HCN1: variants seen among roughly 807,000 people sequenced by gnomAD.
HCN1 encodes the protein hyperpolarization activated cyclic nucleotide gated potassium channel 1, also known as potassium/sodium hyperpolarization-activated cyclic nucleotide-gated channel 1.
Under a neutral mutation model 78.9 loss-of-function variants are expected in HCN1, and 13 were observed. The observed-to-expected ratio is 0.16, with a 90% confidence interval of 0.11 to 0.26. The LOEUF (loss-of-function observed/expected upper bound fraction) is 0.26. Ranked by LOEUF, HCN1 falls within the 10% of genes least tolerant of loss-of-function variation. HCN1 has a pLI of 1.00. For synonymous variants in HCN1, 552 were observed against 455.5 expected (o/e 1.21, Z -2.70); for missense variants, 810 against 1,154.3 (o/e 0.70, Z 4.32).
intron 2 of HCN1, among the ~76,000 whole-genome samples, chr5:45,550,334 C>A (rs916686338): frequency 2.0e-5 from 3 of 152,148 alleles, no homozygotes; most frequent in Admixed American, 6.6e-5. Flanking sequence ...ATGATGAGTT[C>A]ATGTCCTTTG....
intron 2 of HCN1, among the ~76,000 whole-genome samples, chr5:45,491,009 C>G (rs1741871911): frequency 6.6e-6 from 1 of 152,080 alleles, no homozygotes; most frequent in Non-Finnish European, 1.5e-5. Flanking sequence ...AACCATACAT[C>G]AGTTTTCCTA....
intron 2 of HCN1, among the ~76,000 whole-genome samples, chr5:45,528,888 A>G (rs937648341): frequency 1.3e-5 from 2 of 152,016 alleles, no homozygotes; most frequent in Non-Finnish European, 2.9e-5. Context: ...GATCACAGGC[A>G]TGATTAGGAA....
At chr5:45,297,420 G>A (rs1383075509) in intron 6 of HCN1, among the ~76,000 whole-genome samples, 1 of 152,034 alleles carries the variant, frequency 6.6e-6, no homozygotes, top group Non-Finnish European at 1.5e-5. Flanking sequence ...CCAATTTTGG[G>A]GCCAGTTTAT....
chr5:45,496,380 T>C, intron 2 of HCN1, among the ~76,000 whole-genome samples: 1 of 151,892 alleles, frequency 6.6e-6, no homozygotes, highest in Non-Finnish European at 1.5e-5. Context: ...TTTTCTAGTT[T>C]ATTTGCGTAG....
At chr5:45,508,015 CA>C (rs1742342601) in intron 2 of HCN1, among the ~76,000 whole-genome samples, 1 of 151,960 alleles carries the variant, frequency 6.6e-6, no homozygotes, top group South Asian at 2.1e-4. Flanking sequence ...TGAAGATTAT[CA>C]TATATATACA....
intron 2 of HCN1, among the ~76,000 whole-genome samples, chr5:45,474,895 G>A (rs1741480725): frequency 6.6e-6 from 1 of 151,776 alleles, no homozygotes; most frequent in South Asian, 2.1e-4. Context: ...CGGAAAGAAA[G>A]GGAAAATGAA....
At chr5:45,313,742 C>T (rs753313055) in intron 5 of HCN1, among the ~76,000 whole-genome samples, 3 of 152,040 alleles carry the variant, frequency 2.0e-5, no homozygotes, top group East Asian at 3.9e-4. Context: ...GTAGCCAATT[C>T]GATCAACTGG....
chr5:45,530,520 C>A (rs12374423), intron 2 of HCN1, among the ~76,000 whole-genome samples: 3,287 of 151,166 alleles, frequency 0.022, 67 homozygotes, highest in Non-Finnish European at 0.031. Flanking sequence ...ATACATTAGG[C>A]ACTTTATGAT....
intron 2 of HCN1, among the ~76,000 whole-genome samples, chr5:45,619,468 T>A (rs928031287): frequency 3.3e-5 from 5 of 152,116 alleles, no homozygotes; most frequent in African/African-American, 1.2e-4. Context: ...TAAAGCTAGA[T>A]CAATTTGAGA....
At chr5:45,427,633 C>T (rs1740378511) in intron 3 of HCN1, among the ~76,000 whole-genome samples, 1 of 152,050 alleles carries the variant, frequency 6.6e-6, no homozygotes, top group Non-Finnish European at 1.5e-5. Context: ...GTTATAATTA[C>T]ATTGATCAAT....
intron 4 of HCN1, among the ~76,000 whole-genome samples, chr5:45,356,744 TA>T (rs1295027064): frequency 6.6e-6 from 1 of 151,958 alleles, no homozygotes. Context: ...CAGGTGAAAG[TA>T]AAAAAACTCC....
At chr5:45,445,777 G>C (rs1740780432) in intron 3 of HCN1, among the ~76,000 whole-genome samples, 1 of 152,170 alleles carries the variant, frequency 6.6e-6, no homozygotes, top group South Asian at 2.1e-4. Context: ...CAGGCAAACA[G>C]GGTCTGGAGT....
intron 2 of HCN1, among the ~76,000 whole-genome samples, chr5:45,550,155 C>T (rs1252296992): frequency 2.0e-5 from 3 of 151,932 alleles, no homozygotes; most frequent in African/African-American, 7.3e-5. Flanking sequence ...TGGTATATAC[C>T]CAAAGGATTA....
intron 6 of HCN1, among the ~76,000 whole-genome samples, chr5:45,269,904 A>T (rs1744928664): frequency 6.6e-6 from 1 of 152,144 alleles, no homozygotes; most frequent in South Asian, 2.1e-4. Context: ...TTGTACGTAT[A>T]TTCCATGTTC....
chr5:45,333,608 T>C (rs1746391460), intron 5 of HCN1, among the ~76,000 whole-genome samples: 1 of 151,802 alleles, frequency 6.6e-6, no homozygotes, highest in Non-Finnish European at 1.5e-5. Context: ...GTAGTAGCTT[T>C]ATAGTTTGAT....
At chr5:45,504,271 C>A (rs1447473206) in intron 2 of HCN1, among the ~76,000 whole-genome samples, 1 of 152,046 alleles carries the variant, frequency 6.6e-6, no homozygotes, top group African/African-American at 2.4e-5. Context: ...CCACAACAGG[C>A]CCCGGTGTGT....
chr5:45,695,488 C>T (rs976056493), intron 1 of HCN1, among the ~76,000 whole-genome samples, 181 bp downstream of exon 1: 1 of 152,154 alleles, frequency 6.6e-6, no homozygotes, highest in Admixed American at 6.5e-5. Context: ...CTCCGAGCCC[C>T]TCCTGGGTGG....
intron 3 of HCN1, among the ~76,000 whole-genome samples, chr5:45,432,193 T>C (rs1740477680): frequency 6.6e-6 from 1 of 152,114 alleles, no homozygotes; most frequent in Non-Finnish European, 1.5e-5. Flanking sequence ...TTTTTGTGAC[T>C]ACTTTGAATG....
rs537664741 is a variant in HCN1 at position 45,539,850 on chromosome 5, G to A, written c.850-77843C>T. On this transcript the variant is annotated intron_variant, in intron 2 of 7. Transcript: ENST00000303230. ...CATACATATTTTTGCATAATTCTAG[G>A]CAAACTAAATGTATAATTTTTTTAC... 1.1e-4 allele frequency among the ~76,000 whole-genome samples: 16 copies of A among 140,026 alleles called. No homozygotes were observed. The South Asian group carries it at 3.1e-3, about 27-fold the overall frequency. 91.9% of individuals were successfully genotyped at this position (140,026 alleles called of 152,430 possible).
Sources: gnomAD v4.1 joint callset for allele counts (sites outside exome capture counted in the v4.1 genomes callset) on GRCh38, gnomAD v4.1.1 for gene constraint, MANE v1.5 for transcripts, NCBI Gene and HGNC (gene_info 2026-07-23, HGNC 2026-07-21) for gene names.